FAT1: variants seen among roughly 807,000 people sequenced by gnomAD.
FAT1 encodes FAT atypical cadherin 1, also known as protocadherin Fat 1.
In FAT1, 171 loss-of-function variants were observed where a neutral mutation model predicts 329.8. The observed-to-expected ratio is 0.52, with a 90% CI of 0.46 to 0.59. The LOEUF is 0.59. Among genes scored for constraint, FAT1 ranks in the 20% least tolerant of loss-of-function variants. The pLI, the probability that FAT1 is intolerant of heterozygous loss-of-function variation, is 0.00. For synonymous variants in FAT1, 2,233 were observed against 2,228.6 expected (o/e 1.00, Z -0.06); for missense variants, 5,672 against 5,774.4 (o/e 0.98, Z 0.57).
At chr4:186,591,768 T>G (rs1020537017) in intron 26 of FAT1, among the ~76,000 whole-genome samples, 4 of 152,176 alleles carry the variant, frequency 2.6e-5, no homozygotes, top group African/African-American at 9.7e-5. Flanking sequence ...CCATGAACAC[T>G]GGAGTATCTA....
At chr4:186,719,690 C>T (rs192659728) in intron 1 of FAT1, among the ~76,000 whole-genome samples, 15 of 152,326 alleles carry the variant, frequency 9.8e-5, no homozygotes, top group East Asian at 1.9e-4. Flanking sequence ...TCTATGTATT[C>T]GAGAAATTGA....
intron 2 of FAT1, among the ~76,000 whole-genome samples, chr4:186,686,662 G>A (rs867170408): frequency 5.3e-5 from 8 of 151,848 alleles, no homozygotes; most frequent in East Asian, 3.9e-4. Context: ...CCTTTTATCC[G>A]CCTCATACTC....
intron 2 of FAT1, among the ~76,000 whole-genome samples, chr4:186,689,907 C>G (rs1157568731): frequency 6.6e-6 from 1 of 152,128 alleles, no homozygotes; most frequent in Admixed American, 6.5e-5. Context: ...AAAAGACTAC[C>G]GCACTCACAA....
intron 2 of FAT1, among the ~76,000 whole-genome samples, chr4:186,675,817 ACACACAC>A (rs1742928886): frequency 6.8e-6 from 1 of 147,460 alleles, no homozygotes; most frequent in African/African-American, 2.7e-5. Flanking sequence ...ACACACACAC[ACACACAC>A]AATTAATTTT....
chr4:186,718,161 G>A (rs1450791012), intron 1 of FAT1, among the ~76,000 whole-genome samples: 3 of 152,144 alleles, frequency 2.0e-5, no homozygotes, highest in East Asian at 1.9e-4. Context: ...GCAAGAAAAC[G>A]GAAATCTTCA....
upstream of FAT1, among the ~76,000 whole-genome samples, chr4:186,724,889 C>A (rs530507958): frequency 3.3e-5 from 5 of 152,210 alleles, no homozygotes; most frequent in East Asian, 9.7e-4. The surrounding 1 kb of genome is among the most constrained non-coding windows in gnomAD (Gnocchi z 5.3). Flanking sequence ...GGGAGCTTGG[C>A]GGGGAGGGGA....
At position 186,621,310 on chromosome 4, in the gene FAT1, T is replaced by C. The variant is rs2126524101; in HGVS notation, c.5276A>G (p.Asn1759Ser). The C allele has an allele frequency of 6.2e-7, 1 of 1,614,018 alleles. No homozygotes were observed. The highest frequency in any genetic ancestry group is 2.2e-5 in the East Asian group (1 of 44,886). ...TTVLVHLQDE[N>S]DNAPVFMQAE... is the part of the protein sequence containing the mutation. Reference sequence around the variant, plus strand: ...CTGCATAAAAACTGGCGCGTTGTCATTCTCATCCTGCAAGTGAACTAGAAC... The same window carrying C: ...CTGCATAAAAACTGGCGCGTTGTCACTCTCATCCTGCAAGTGAACTAGAAC... Residue 1759 changes from asparagine to serine, a missense_variant, in exon 10 of 27, where the codon AAT (asparagine) becomes AGT (serine). By Grantham distance (46) the Asn-to-Ser change is conservative. Coordinates refer to ENST00000441802, the MANE Select transcript of FAT1 (RefSeq NM_005245.4).
upstream of FAT1, among the ~76,000 whole-genome samples, chr4:186,725,469 T>A (rs564718575): frequency 1.3e-5 from 2 of 151,836 alleles, no homozygotes; most frequent in Non-Finnish European, 2.9e-5. This position sits in a 1 kb window ranked among gnomAD's most constrained non-coding sequence, Gnocchi z 5.4. Context: ...TAATAACGCT[T>A]CCTAGGGCTT....
chr4:186,591,826 C>T (rs1579283123), intron 26 of FAT1, among the ~76,000 whole-genome samples: 1 of 152,276 alleles, frequency 6.6e-6, no homozygotes, highest in East Asian at 1.9e-4. Flanking sequence ...ATCCTCCCTC[C>T]TCCTGAACCT....
chr4:186,632,254 A>C (rs1179898513), intron 7 of FAT1, among the ~76,000 whole-genome samples: 1 of 152,150 alleles, frequency 6.6e-6, no homozygotes, highest in Non-Finnish European at 1.5e-5. Context: ...GTGCACTGTT[A>C]ATTATTCATA....
At chr4:186,607,257 G>T (rs1353176532) in intron 16 of FAT1, among the ~76,000 whole-genome samples, 1 of 151,918 alleles carries the variant, frequency 6.6e-6, no homozygotes, top group Non-Finnish European at 1.5e-5. Flanking sequence ...GGCTTCTTTT[G>T]GTTCTCCTTC....
intron 1 of FAT1, among the ~76,000 whole-genome samples, chr4:186,721,578 A>G (rs1010717389): frequency 6.6e-6 from 1 of 152,262 alleles, no homozygotes; most frequent in African/African-American, 2.4e-5. Context: ...CCTTTAGGCT[A>G]CAAATTATGC....
chr4:186,651,246 T>G (rs1468341047), intron 3 of FAT1, among the ~76,000 whole-genome samples: 2 of 152,022 alleles, frequency 1.3e-5, no homozygotes, highest in Non-Finnish European at 2.9e-5. Flanking sequence ...ACTGTCCCTT[T>G]GTAAACATGT....
intron 2 of FAT1, among the ~76,000 whole-genome samples, chr4:186,702,608 T>C (rs1478741455): frequency 6.6e-6 from 1 of 152,246 alleles, no homozygotes; most frequent in Admixed American, 6.5e-5. Context: ...CCAGGCATTT[T>C]TCTAGACATT....
intron 2 of FAT1, among the ~76,000 whole-genome samples, chr4:186,701,014 C>T (rs1016191811): frequency 7.2e-5 from 11 of 152,204 alleles, no homozygotes; most frequent in African/African-American, 2.7e-4. Flanking sequence ...TCACTGCGTG[C>T]TGCTCCACAA....
chr4:186,682,739 A>G (rs1326044924), intron 2 of FAT1, among the ~76,000 whole-genome samples: 1 of 152,202 alleles, frequency 6.6e-6, no homozygotes. Context: ...GGACATGGCC[A>G]CTTAAAGAGG....
At chr4:186,633,877 T>A (rs1740705624) in intron 6 of FAT1, 54 bp from the exon 7 acceptor site, 2 of 1,598,764 alleles carry the variant, frequency 1.3e-6, no homozygotes, top group African/African-American at 1.3e-5. Context: ...CTCTGTAGTT[T>A]ATTCTGTGGC....
At chr4:186,726,077 A>T (rs899604787), upstream of FAT1, among the ~76,000 whole-genome samples, 8 of 152,226 alleles carry the variant, frequency 5.3e-5, no homozygotes, top group Non-Finnish European at 8.8e-5. Context: ...CACCATTGCT[A>T]TAATAAGTTA....
At chr4:186,597,442 A>G (rs929871437) in intron 24 of FAT1, among the ~76,000 whole-genome samples, 3 of 152,146 alleles carry the variant, frequency 2.0e-5, no homozygotes, top group African/African-American at 7.2e-5. Flanking sequence ...GGATCAACAG[A>G]CTATTACATC....
Sources: allele counts gnomAD v4.1 joint callset (sites outside exome capture counted in the v4.1 genomes callset), GRCh38; gene constraint gnomAD v4.1.1; non-coding constraint Gnocchi (gnomAD v3.1); transcripts MANE v1.5; gene names NCBI Gene and HGNC (gene_info 2026-07-23, HGNC 2026-07-21).